The following PHLDB3 variants were observed in gnomAD, a reference collection of about 807,000 sequenced individuals.
The protein encoded by PHLDB3 is pleckstrin homology-like domain family B member 3.
A neutral mutation model predicts 85.7 loss-of-function variants in PHLDB3; 86 were observed. The observed-to-expected ratio is 1.00, with a 90% CI of 0.84 to 1.20. The LOEUF (loss-of-function observed/expected upper bound fraction) is 1.20, where lower values mean the gene tolerates loss of function less well. Among genes scored for constraint, PHLDB3 ranks in the 50% most tolerant of loss-of-function variants. PHLDB3 has a pLI of 0.00. For missense variants in PHLDB3, 995 were observed against 873.0 expected (o/e 1.14, Z -1.76); for synonymous variants, 376 against 349.8 (o/e 1.07, Z -0.83).
rs1165814184 is a variant in PHLDB3 at position 43,495,494 on chromosome 19, C to T, written c.951+1G>A. The T allele has an allele frequency of 6.2e-7, 1 of 1,606,018 alleles. No homozygotes were observed. Among genetic ancestry groups the T allele is most frequent in the Non-Finnish European group, 8.5e-7 (1 of 1,176,278 alleles). ...GGTAGGGCAGGTGACAGGTAGCTCA[C>T]CTGTGACAGGGCCTGAAGGGCCTCC... On this transcript the variant is annotated splice_donor_variant, in intron 7 of 15. Transcript: ENST00000292140. LOFTEE classifies it high-confidence loss of function.
chr19:43,479,105 A>T (rs530146181), intron 14 of PHLDB3, among the ~76,000 whole-genome samples: 93 of 152,158 alleles, frequency 6.1e-4, no homozygotes, highest in African/African-American at 2.1e-3. Context: ...GAATTGTACT[A>T]AACTGTTATC....
At chr19:43,494,619 C>T in intron 9 of PHLDB3, 83 bp downstream of exon 9, 44 of 1,144,132 alleles carry the variant, frequency 3.8e-5, no homozygotes, top group Non-Finnish European at 5.3e-5. Flanking sequence ...CTGGAGACCC[C>T]AGTTCGGGGA....
intron 3 of PHLDB3, 71 bp from the exon 4 acceptor site, chr19:43,501,942 C>G: frequency 2.7e-6 from 4 of 1,497,778 alleles, no homozygotes; most frequent in Non-Finnish European, 3.6e-6. Context: ...GCCTGAACTA[C>G]CGGATTCGAA....
At chr19:43,494,613 A>G (rs1279673999) in intron 9 of PHLDB3, 89 bp downstream of exon 9, 1 of 1,071,572 alleles carries the variant, frequency 9.3e-7, no homozygotes, top group Non-Finnish European at 1.3e-6. Flanking sequence ...GAAGTTCTGG[A>G]GACCCCAGTT....
At chr19:43,503,558 C>A (rs1971671401) in intron 2 of PHLDB3, among the ~76,000 whole-genome samples, 1 of 152,146 alleles carries the variant, frequency 6.6e-6, no homozygotes, top group Admixed American at 6.6e-5. Flanking sequence ...ATCCTCCCCT[C>A]GGCCTCCCCA....
At chr19:43,484,374 T>C (rs188505941) in intron 13 of PHLDB3, among the ~76,000 whole-genome samples, 3 of 149,190 alleles carry the variant, frequency 2.0e-5, no homozygotes, top group Admixed American at 1.3e-4. Context: ...AATAATCTCA[T>C]AAGATGTGAC....
intron 8 of PHLDB3, 31 bp from the exon 9 acceptor site, chr19:43,494,846 G>A (rs1486463781): frequency 6.5e-7 from 1 of 1,548,988 alleles, no homozygotes; most frequent in Admixed American, 1.8e-5. Context: ...TTTCGTGGGA[G>A]CAGGAGAGAC....
rs373439092 is a variant in PHLDB3 at position 43,497,090 on chromosome 19, G to T, written c.825+28C>A. On this transcript the variant is annotated intron_variant, in intron 6 of 15. Coordinates refer to ENST00000292140, the MANE Select transcript of PHLDB3 (RefSeq NM_198850.4). ...GGGGAGACAGAGAGGAGCAGCAAGG[G>T]GGGCAGCGCTGGTCAGGCATGACTC... is the stretch of plus-strand genomic sequence containing the variant. 3.8e-5 allele frequency: 54 copies of T among 1,411,746 alleles called. No individual in the cohort carries two copies. In the Middle Eastern group the frequency reaches 7.9e-4, roughly 21 times the overall value. 87.5% of individuals were successfully genotyped at this position (1,411,746 alleles called of 1,614,324 possible). A position where few individuals can be genotyped will look rare whatever the true frequency, so the allele number is the denominator to read the frequency against.
At chr19:43,498,268 G>A (rs1424852034) in intron 4 of PHLDB3, among the ~76,000 whole-genome samples, 3 of 152,130 alleles carry the variant, frequency 2.0e-5, no homozygotes, top group African/African-American at 4.8e-5. Context: ...GAGCCAGGGA[G>A]ATTGAGGCTG....
intron 9 of PHLDB3, among the ~76,000 whole-genome samples, chr19:43,493,460 C>T (rs1027182859): frequency 3.4e-4 from 51 of 151,774 alleles, no homozygotes; most frequent in African/African-American, 1.2e-3. Context: ...AAAGGAAGAC[C>T]CCAACTCTAC....
At chr19:43,495,742 G>C (rs1971442330) in intron 6 of PHLDB3, 122 bp from the exon 7 acceptor site, 1 of 1,400,150 alleles carries the variant, frequency 7.1e-7, no homozygotes, top group Non-Finnish European at 9.4e-7. Context: ...TGGGATCGGA[G>C]TGTCCAGGGC....
chr19:43,501,932 GCCTGAACTA>G (rs1009611206), intron 3 of PHLDB3, 61 bp from the exon 4 acceptor site: 7 of 1,513,832 alleles, frequency 4.6e-6, no homozygotes, highest in African/African-American at 1.4e-5. Context: ...GAGGCCCAGG[GCCTGAACTA>G]CCGGATTCGA....
chr19:43,504,328 A>ACCGG (rs1971702215), intron 1 of PHLDB3, 196 bp from the exon 2 acceptor site: 1 of 603,360 alleles, frequency 1.7e-6, no homozygotes, highest in African/African-American at 1.9e-5. Flanking sequence ...GCGACACGCC[A>ACCGG]CCGGAGACGG....
chr19:43,501,636 G>A lies in PHLDB3; in HGVS notation c.534+98C>T, dbSNP rs573550602. ...AGGAGCCCAAATGTCTTCCTTTGGG[G>A]AATGGGGACAACCCCGGGGCGCAGG... On this transcript the variant is annotated intron_variant, in intron 4 of 15. Transcript: ENST00000292140. The A allele has an allele frequency of 2.6e-6, 4 of 1,517,218 alleles. No individual in the cohort carries two copies. In the African/African-American group the frequency reaches 4.2e-5, roughly 16 times the overall value. 94.0% of individuals were successfully genotyped at this position (1,517,218 alleles called of 1,614,324 possible). A position where few individuals can be genotyped will look rare whatever the true frequency, so the allele number is the denominator to read the frequency against.
At chr19:43,502,531 A>G (rs1340515330) in intron 2 of PHLDB3, among the ~76,000 whole-genome samples, 1 of 145,184 alleles carries the variant, frequency 6.9e-6, no homozygotes, top group African/African-American at 2.6e-5. Flanking sequence ...TCACTGCAGC[A>G]TCGACCTCCC....
chr19:43,477,965 C>T (rs566762797), intron 15 of PHLDB3, 82 bp downstream of exon 15: 847 of 1,162,742 alleles, frequency 7.3e-4, no homozygotes, highest in Non-Finnish European at 1.0e-3. Context: ...TGGCTTTCCC[C>T]AGGATGAGCC....
At chr19:43,479,964 C>G (rs964585702) in intron 13 of PHLDB3, among the ~76,000 whole-genome samples, 1 of 151,886 alleles carries the variant, frequency 6.6e-6, no homozygotes, top group Non-Finnish European at 1.5e-5. Context: ...ACATCAGAGG[C>G]CTATCAAAAG....
intron 9 of PHLDB3, 128 bp downstream of exon 9, chr19:43,494,574 C>G (rs1489961804): frequency 5.7e-6 from 4 of 707,628 alleles, no homozygotes; most frequent in African/African-American, 1.8e-5. Context: ...TCCCTATCCC[C>G]CACCGGCCCC....
intron 12 of PHLDB3, 73 bp downstream of exon 12, chr19:43,486,531 AGTTGG>A (rs897738667): frequency 6.7e-7 from 1 of 1,495,378 alleles, no homozygotes; most frequent in African/African-American, 1.4e-5. Flanking sequence ...AGGGAGGTGG[AGTTGG>A]GGGTCTCCCA....
Sources: gnomAD v4.1 joint callset for allele counts (sites outside exome capture counted in the v4.1 genomes callset) on GRCh38, gnomAD v4.1.1 for gene constraint, MANE v1.5 for transcripts, NCBI Gene and HGNC (gene_info 2026-07-23, HGNC 2026-07-21) for gene names.